MYB: variants seen among roughly 807,000 people sequenced by gnomAD.
MYB encodes the protein transcriptional activator Myb.
In MYB, 28 loss-of-function variants were observed where a neutral mutation model predicts 92.9. That is an observed-to-expected ratio of 0.30 (90% CI 0.22 to 0.41). MYB has a LOEUF of 0.41. Among genes scored for constraint, MYB ranks in the 10% least tolerant of loss-of-function variants. MYB has a pLI of 1.00. For synonymous variants in MYB, 295 were observed against 329.1 expected, an observed-to-expected ratio of 0.90 and a Z score of 1.12; for missense variants, 679 against 929.3, an observed-to-expected ratio of 0.73 and a Z score of 3.50.
chr6:135,185,734 A>G, intron 1 of MYB, 169 bp from the exon 2 acceptor site: 3 of 637,906 alleles, frequency 4.7e-6, no homozygotes, highest in Non-Finnish European at 8.3e-6. Flanking sequence ...ACCAGTTTAC[A>G]ATACTAGAGC....
chr6:135,186,596 T>G (rs772159110), intron 2 of MYB, among the ~76,000 whole-genome samples: 8 of 152,192 alleles, frequency 5.3e-5, no homozygotes, highest in Non-Finnish European at 7.4e-5. Flanking sequence ...AACAAAAGAA[T>G]AAAACAAAAC....
intron 15 of MYB, among the ~76,000 whole-genome samples, chr6:135,216,129 G>C (rs1780399486): frequency 6.6e-6 from 1 of 152,098 alleles, no homozygotes; most frequent in South Asian, 2.1e-4. Context: ...GTTACATCTA[G>C]CTGGGGCACT....
chr6:135,212,907 CAT>C (rs1779939842), intron 15 of MYB, among the ~76,000 whole-genome samples: 1 of 152,184 alleles, frequency 6.6e-6, no homozygotes. Flanking sequence ...GAAAAGTTGG[CAT>C]GGGGCTCCCA....
intron 15 of MYB, among the ~76,000 whole-genome samples, chr6:135,213,636 C>T (rs1383801031): frequency 6.6e-6 from 1 of 152,176 alleles, no homozygotes; most frequent in African/African-American, 2.4e-5. Flanking sequence ...AATCCCAGCA[C>T]TTTAGGAAGC....
At chr6:135,200,961 C>T (rs1777997106) in intron 13 of MYB, among the ~76,000 whole-genome samples, 1 of 152,014 alleles carries the variant, frequency 6.6e-6, no homozygotes, top group South Asian at 2.1e-4. Flanking sequence ...CGCCTGTAGT[C>T]CCAGCTACTC....
intron 8 of MYB, chr6:135,195,078 C>T: frequency 7.7e-7 from 1 of 1,296,656 alleles, no homozygotes; most frequent in African/African-American, 1.5e-5. Flanking sequence ...AGAAGTGATG[C>T]CCAGTAGGTA....
At chr6:135,202,118 C>T (rs915358111) in intron 14 of MYB, among the ~76,000 whole-genome samples, 3 of 152,158 alleles carry the variant, frequency 2.0e-5, no homozygotes, top group Admixed American at 1.3e-4. Context: ...TGTAGCATCT[C>T]ATATGGTATC....
At chr6:135,205,633 T>C (rs1408438225) in intron 15 of MYB, among the ~76,000 whole-genome samples, 1 of 152,226 alleles carries the variant, frequency 6.6e-6, no homozygotes, top group Non-Finnish European at 1.5e-5. Flanking sequence ...ATCTGTACAC[T>C]GAGATTAAGT....
chr6:135,190,396 G>A lies in MYB; in HGVS notation c.527+49G>A. On this transcript the variant is annotated intron_variant, in intron 5 of 15. Transcript: ENST00000341911. The surrounding 1 kb of genome is among the most constrained non-coding windows in gnomAD (Gnocchi z 4.5). ...TTGATCGGGAAGAATGAGGGAGTGG[G>A]TATTGAACATTCTGCTTTAAATGTA... 7.1e-7 allele frequency: 1 copy of A among 1,414,154 alleles called. No individual in the cohort carries two copies. The highest frequency in any genetic ancestry group is 1.2e-5 in the South Asian group (1 of 83,922). The allele number at this position is 1,414,154 out of a possible 1,614,324, so 87.6% of individuals were successfully genotyped here.
intron 2 of MYB, among the ~76,000 whole-genome samples, chr6:135,187,364 T>C (rs1373866683): frequency 6.6e-6 from 1 of 152,194 alleles, no homozygotes; most frequent in Non-Finnish European, 1.5e-5. Flanking sequence ...TTTATTACCA[T>C]AGGTAAATGT....
intron 15 of MYB, among the ~76,000 whole-genome samples, chr6:135,209,468 A>C (rs892492068): frequency 2.0e-5 from 3 of 152,230 alleles, no homozygotes; most frequent in African/African-American, 7.2e-5. Context: ...TCCCAACCTC[A>C]GGTGATCTGC....
At position 135,199,022 on chromosome 6, in the gene MYB, A is replaced by G. The variant is rs1465270168; in HGVS notation, c.1681A>G (p.Thr561Ala). The G allele has an allele frequency of 6.2e-7, 1 of 1,606,864 alleles. No homozygotes were observed. Among genetic ancestry groups the G allele is most frequent in the Non-Finnish European group, 8.5e-7 (1 of 1,176,972 alleles). Reference sequence around the variant, plus strand: ...TACAACACCATTTCATAGAGACCAGACTGTGAAAACTCAAAAGGAAAATAC... The same window carrying G: ...TACAACACCATTTCATAGAGACCAGGCTGTGAAAACTCAAAAGGAAAATAC... ...TVTTPFHRDQ[T>A]VKTQKENTVF... Residue 561 changes from threonine to alanine, a missense_variant, in exon 11 of 16, where the codon ACT (threonine) becomes GCT (alanine). By Grantham distance (58) the Thr-to-Ala change is moderately conservative. Around this residue, in one of 8 missense-constraint regions of MYB, gnomAD observed 402 missense variants for 434.2 expected, o/e 0.93. Coordinates refer to ENST00000341911, the MANE Select transcript of MYB (RefSeq NM_001130173.2).
intron 1 of MYB, among the ~76,000 whole-genome samples, chr6:135,183,972 G>T (rs887702521): frequency 2.8e-4 from 43 of 152,320 alleles, no homozygotes; most frequent in African/African-American, 9.9e-4. Flanking sequence ...GGCTAGACTA[G>T]AACCTTTGCC....
In MYB at chr6:135,190,065, T is replaced by C. The variant is rs1776443527; in HGVS notation, c.307-62T>C. On this transcript the variant is annotated intron_variant, in intron 4 of 15. Coordinates refer to ENST00000341911, the MANE Select transcript of MYB (RefSeq NM_001130173.2). The surrounding 1 kb of genome is among the most constrained non-coding windows in gnomAD (Gnocchi z 4.5). ...CTAAAGATCTTGTAACACTGAAGAA[T>C]GATTATACTGACTCATTACATAACT... 1 of 1,556,636 alleles carries C rather than the reference T, an allele frequency of 6.4e-7. No homozygotes were observed. The highest frequency in any genetic ancestry group is 1.8e-5 in the Admixed American group (1 of 56,420).
At chr6:135,189,662 C>G in intron 3 of MYB, 129 bp from the exon 4 acceptor site, 1 of 717,516 alleles carries the variant, frequency 1.4e-6, no homozygotes. Context: ...TAGATGGGCT[C>G]TAAACATGCT....
At chr6:135,191,975 G>A (rs1013511715) in intron 5 of MYB, among the ~76,000 whole-genome samples, 5 of 152,160 alleles carry the variant, frequency 3.3e-5, no homozygotes, top group African/African-American at 1.2e-4. Flanking sequence ...ATTTCCCCAA[G>A]GCAGCTGGAA....
At chr6:135,212,913 G>A (rs572687191) in intron 15 of MYB, among the ~76,000 whole-genome samples, 1 of 152,180 alleles carries the variant, frequency 6.6e-6, no homozygotes, top group African/African-American at 2.4e-5. Flanking sequence ...TTGGCATGGG[G>A]CTCCCAGGCT....
intron 9 of MYB, among the ~76,000 whole-genome samples, 180 bp downstream of exon 9, chr6:135,196,182 G>A (rs928783917): frequency 4.6e-5 from 7 of 151,806 alleles, no homozygotes; most frequent in African/African-American, 1.7e-4. Context: ...ATAGCCTACC[G>A]AGAGAGACAA....
At chr6:135,186,059 A>AG in intron 2 of MYB, 39 bp downstream of exon 2, 1 of 1,567,088 alleles carries the variant, frequency 6.4e-7, no homozygotes, top group Non-Finnish European at 8.8e-7. Context: ...AAATAGATAG[A>AG]GTGTATAATT....
Sources: allele counts gnomAD v4.1 joint callset (sites outside exome capture counted in the v4.1 genomes callset), GRCh38; gene constraint gnomAD v4.1.1; regional missense constraint gnomAD v4.1.1; non-coding constraint Gnocchi (gnomAD v3.1); transcripts MANE v1.5; gene names NCBI Gene and HGNC (gene_info 2026-07-23, HGNC 2026-07-21).